The following CLIP4 variants were observed in gnomAD, a reference collection of about 807,000 sequenced individuals.
CLIP4 encodes CAP-Gly domain containing linker protein family member 4.
In CLIP4, 47 loss-of-function variants were observed where a neutral mutation model predicts 73.1. The ratio of observed to expected loss-of-function variants is 0.64; its 90% confidence interval spans 0.51 to 0.82. The LOEUF is 0.82. CLIP4 is among the 40% of genes least tolerant of loss of function. The pLI is 0.00. For synonymous variants in CLIP4, 306 were observed against 295.4 expected, an observed-to-expected ratio of 1.04 and a Z score of -0.37; for missense variants, 874 against 852.9, an observed-to-expected ratio of 1.02 and a Z score of -0.31.
intron 10 of CLIP4, among the ~76,000 whole-genome samples, chr2:29,156,864 T>G (rs1159669491): frequency 7.5e-5 from 2 of 26,622 alleles, no homozygotes; most frequent in African/African-American, 1.8e-4. Context: ...TCATGTTTAA[T>G]TTTTGTATAA....
chr2:29,138,366 AT>A (rs561052736), intron 6 of CLIP4, among the ~76,000 whole-genome samples: 10 of 150,422 alleles, frequency 6.6e-5, no homozygotes, highest in African/African-American at 2.2e-4. Flanking sequence ...CTATATGTCT[AT>A]TTTTTTTAGC....
At position 29,143,726 on chromosome 2, in the gene CLIP4, C is replaced by A. The variant is rs58545152; in HGVS notation, c.666C>A (p.Ile222=). The A allele has an allele frequency of 3.4e-4, 544 of 1,611,082 alleles. 1 individual carries two copies. The African/African-American group carries it at 6.8e-3, about 20-fold the overall frequency. The change falls in exon 7 of 16, where the codon ATC becomes ATA. Residue 222 remains isoleucine (I), a synonymous_variant. Transcript: ENST00000320081. ...NPAFRNDKGQ[I]PADVVPDPVD... is the part of the protein sequence containing the mutation. ...ATTTGTAGAATGACAAAGGACAGATCCCTGCTGATGTTGTTCCAGACCCAG... is the reference window on the plus strand; with the variant it reads ...ATTTGTAGAATGACAAAGGACAGATACCTGCTGATGTTGTTCCAGACCCAG...
intron 4 of CLIP4, 41 bp downstream of exon 4, chr2:29,132,286 C>A: frequency 6.8e-7 from 1 of 1,467,240 alleles, no homozygotes; most frequent in Non-Finnish European, 9.5e-7. Flanking sequence ...ATGTCATCTG[C>A]ACTTGTGCTT....
chr2:29,160,581 A>T, intron 12 of CLIP4, 114 bp downstream of exon 12: 2 of 1,174,956 alleles, frequency 1.7e-6, no homozygotes, highest in African/African-American at 1.5e-5. Flanking sequence ...GTTTTTGTGG[A>T]TGGCAGCTAT....
chr2:29,164,041 T>A, intron 13 of CLIP4, 87 bp downstream of exon 13: 1 of 1,106,066 alleles, frequency 9.0e-7, no homozygotes, highest in Non-Finnish European at 1.3e-6. Flanking sequence ...ATTAAAGATA[T>A]GCTCTGATTG....
chr2:29,120,455 T>C (rs1360707259), intron 1 of CLIP4, among the ~76,000 whole-genome samples: 2 of 152,142 alleles, frequency 1.3e-5, no homozygotes, highest in African/African-American at 4.8e-5. Flanking sequence ...GCTAGTATGG[T>C]GTTGTCTACT....
At chr2:29,172,512 A>T (rs1456408177) in intron 14 of CLIP4, among the ~76,000 whole-genome samples, 1 of 152,030 alleles carries the variant, frequency 6.6e-6, no homozygotes, top group Non-Finnish European at 1.5e-5. Flanking sequence ...TAACTAATTC[A>T]TATTATTGTT....
chr2:29,144,714 A>G (rs1359371944), intron 7 of CLIP4, among the ~76,000 whole-genome samples: 2 of 147,038 alleles, frequency 1.4e-5, no homozygotes, highest in African/African-American at 5.0e-5. Context: ...TTTTCTTAAT[A>G]TTGAGGTTAA....
intron 1 of CLIP4, among the ~76,000 whole-genome samples, chr2:29,103,454 C>T (rs1401129263): frequency 6.6e-6 from 1 of 151,716 alleles, no homozygotes; most frequent in Non-Finnish European, 1.5e-5. Flanking sequence ...AATTTTAACA[C>T]TTATTGAGTA....
At chr2:29,123,000 G>C (rs550586143) in intron 2 of CLIP4, among the ~76,000 whole-genome samples, 1 of 152,050 alleles carries the variant, frequency 6.6e-6, no homozygotes, top group Non-Finnish European at 1.5e-5. Flanking sequence ...TAACAAAATA[G>C]TTAATTTTAT....
Position 29,133,644 on chromosome 2 carries a change from ATCT to A in CLIP4, c.368-6_368-4del, listed in dbSNP as rs771416394. 33 of 1,588,354 alleles carry A rather than the reference ATCT, an allele frequency of 2.1e-5. No individual in the cohort carries two copies. The East Asian group carries it at 2.7e-4, about 13-fold the overall frequency. On this transcript the variant is annotated splice_polypyrimidine_tract_variant and splice_region_variant and intron_variant, in intron 4 of 15. Coordinates refer to ENST00000320081, the MANE Select transcript of CLIP4 (RefSeq NM_024692.6). ...GTACTAAAGGAAAGTAATTTAGAAA[ATCT>A]TCTTTAGGTGATGTGGAAACAGCTG...
At chr2:29,122,826 C>CAAAAAAAAA (rs11364909) in intron 2 of CLIP4, among the ~76,000 whole-genome samples, 46 of 61,930 alleles carry the variant, frequency 7.4e-4, no homozygotes, top group East Asian at 4.0e-3. Flanking sequence ...ACTTTGTCTC[C>CAAAAAAAAA]AAAAAAAAAA....
chr2:29,102,580 A>G (rs1668080693), intron 1 of CLIP4, among the ~76,000 whole-genome samples: 1 of 151,078 alleles, frequency 6.6e-6, no homozygotes, highest in African/African-American at 2.4e-5. Context: ...CTTTTCCCAT[A>G]CAAGGTGTCT....
At chr2:29,155,780 G>A (rs1666885005) in intron 9 of CLIP4, among the ~76,000 whole-genome samples, 1 of 152,108 alleles carries the variant, frequency 6.6e-6, no homozygotes, top group South Asian at 2.1e-4. Context: ...TCCCGCTGTG[G>A]TTTCGTTGCA....
At chr2:29,129,064 T>A (rs1012402464) in intron 2 of CLIP4, among the ~76,000 whole-genome samples, 2 of 152,204 alleles carry the variant, frequency 1.3e-5, no homozygotes, top group African/African-American at 4.8e-5. Context: ...ACAATTATGC[T>A]TGGATTACTT....
chr2:29,162,610 T>C (rs910208424), intron 12 of CLIP4, among the ~76,000 whole-genome samples: 1 of 152,136 alleles, frequency 6.6e-6, no homozygotes, highest in East Asian at 1.9e-4. Context: ...AAAAATTATA[T>C]AGGAAAGCAT....
intron 2 of CLIP4, among the ~76,000 whole-genome samples, chr2:29,127,625 G>T (rs1664690029): frequency 1.3e-5 from 2 of 151,870 alleles, no homozygotes; most frequent in South Asian, 4.2e-4. Flanking sequence ...CTTGATTTTG[G>T]GTTAGCAGCC....
intron 9 of CLIP4, among the ~76,000 whole-genome samples, chr2:29,153,465 C>A (rs1666716025): frequency 6.6e-6 from 1 of 151,718 alleles, no homozygotes; most frequent in African/African-American, 2.4e-5. Flanking sequence ...CTCTAGTTCA[C>A]TTTAATCTCC....
chr2:29,130,033 A>G (rs969992718), intron 2 of CLIP4: 3 of 470,954 alleles, frequency 6.4e-6, no homozygotes, highest in African/African-American at 6.0e-5. Flanking sequence ...TGAACAGAAT[A>G]GGTTGACTTC....
Sources: allele counts gnomAD v4.1 joint callset (sites outside exome capture counted in the v4.1 genomes callset), GRCh38; gene constraint gnomAD v4.1.1; transcripts MANE v1.5; gene names NCBI Gene and HGNC (gene_info 2026-07-23, HGNC 2026-07-21).